Variants in PTPRE observed in about 807,000 individuals in gnomAD.
The protein encoded by PTPRE is protein tyrosine phosphatase receptor type E.
Under a neutral mutation model 102.0 loss-of-function variants are expected in PTPRE, and 51 were observed. The ratio of observed to expected loss-of-function variants is 0.50; its 90% confidence interval spans 0.40 to 0.63. The LOEUF is 0.63. Among genes scored for constraint, PTPRE ranks in the 30% least tolerant of loss-of-function variants. The pLI, the probability that PTPRE is intolerant of heterozygous loss-of-function variation, is 0.00. For synonymous variants in PTPRE, 345 were observed against 348.2 expected, an observed-to-expected ratio of 0.99 and a Z score of 0.10; for missense variants, 752 against 915.1, an observed-to-expected ratio of 0.82 and a Z score of 2.30.
intron 2 of PTPRE, among the ~76,000 whole-genome samples, chr10:128,027,333 CG>C (rs2135722161): frequency 6.6e-6 from 1 of 152,328 alleles, no homozygotes; most frequent in Admixed American, 6.5e-5. Context: ...TCTCCCTCCT[CG>C]GCTGCTTTTG....
intron 2 of PTPRE, among the ~76,000 whole-genome samples, chr10:128,023,027 C>T (rs149610731): frequency 1.9e-4 from 29 of 152,332 alleles, no homozygotes; most frequent in Non-Finnish European, 3.2e-4. Flanking sequence ...GGCCCCCGTC[C>T]GTGGTTCCAC....
At chr10:127,976,374 T>A (rs1424013834) in intron 1 of PTPRE, among the ~76,000 whole-genome samples, 1 of 152,200 alleles carries the variant, frequency 6.6e-6, no homozygotes, top group Non-Finnish European at 1.5e-5. Flanking sequence ...AAGGAGGATT[T>A]GTCTGGCTTT....
intron 15 of PTPRE, 77 bp from the exon 16 acceptor site, chr10:128,072,061 C>G: frequency 8.0e-7 from 1 of 1,242,996 alleles, no homozygotes; most frequent in Non-Finnish European, 1.1e-6. Flanking sequence ...CTATATTTTG[C>G]AAGCTTGTAG....
intron 6 of PTPRE, among the ~76,000 whole-genome samples, chr10:128,051,122 A>G (rs979928048): frequency 1.3e-5 from 2 of 152,214 alleles, no homozygotes; most frequent in South Asian, 4.1e-4. Flanking sequence ...GTTTTCAGCT[A>G]GCAGATCCCC....
chr10:128,049,454 G>A (rs768549751), intron 5 of PTPRE, 76 bp from the exon 6 acceptor site: 437 of 1,537,152 alleles, frequency 2.8e-4, no homozygotes, highest in Middle Eastern at 8.6e-4. Flanking sequence ...CAGGAATGTC[G>A]TTGGTCAGCT....
chr10:127,919,265 C>T (rs1011531214), intron 1 of PTPRE, among the ~76,000 whole-genome samples: 4 of 152,196 alleles, frequency 2.6e-5, no homozygotes, highest in African/African-American at 7.2e-5. Context: ...TTGAATATAA[C>T]TAGAAACATA....
In PTPRE at chr10:127,917,249, G is replaced by A. The variant is rs549334537; in HGVS notation, c.-31+9940G>A. On this transcript the variant is annotated intron_variant, in intron 1 of 20. Transcript: ENST00000254667. Reference sequence around the variant, plus strand: ...TTTGAGGGTGCCAGAGGGGGAAGCCGCTCCAACATGTGGAATCCAAGCAGC... The same window carrying A: ...TTTGAGGGTGCCAGAGGGGGAAGCCACTCCAACATGTGGAATCCAAGCAGC... 8.6e-5 allele frequency among the ~76,000 whole-genome samples: 13 copies of A among 151,364 alleles called. No homozygotes were observed. In the East Asian group the frequency reaches 1.6e-3, roughly 18 times the overall value.
intron 2 of PTPRE, among the ~76,000 whole-genome samples, chr10:127,997,567 C>T (rs1013397018): frequency 6.6e-6 from 1 of 152,162 alleles, no homozygotes; most frequent in Non-Finnish European, 1.5e-5. Context: ...GTTCACAAAT[C>T]GGAGACCTTA....
intron 1 of PTPRE, among the ~76,000 whole-genome samples, chr10:127,959,955 G>A (rs748588660): frequency 5.9e-5 from 9 of 152,198 alleles, no homozygotes; most frequent in African/African-American, 2.2e-4. Flanking sequence ...CTTTAGTGCT[G>A]TAAGAGATGT....
intron 1 of PTPRE, among the ~76,000 whole-genome samples, chr10:127,911,437 C>A (rs1358034631): frequency 2.0e-5 from 3 of 152,172 alleles, no homozygotes; most frequent in Non-Finnish European, 2.9e-5. Flanking sequence ...ACGAAACCCA[C>A]CCCTGAGAAG....
chr10:127,949,479 C>T (rs10765179), intron 1 of PTPRE, among the ~76,000 whole-genome samples: 31,337 of 152,078 alleles, frequency 0.21, 3,522 homozygotes, highest in African/African-American at 0.29. Context: ...TGATAGATCA[C>T]GTGCTTACTG....
At chr10:127,942,623 A>G (rs1303909293) in intron 1 of PTPRE, among the ~76,000 whole-genome samples, 2 of 152,260 alleles carry the variant, frequency 1.3e-5, no homozygotes, top group African/African-American at 4.8e-5. Flanking sequence ...AGTTACACAC[A>G]GACAAATACT....
intron 1 of PTPRE, among the ~76,000 whole-genome samples, chr10:127,932,734 C>G (rs1847536083): frequency 6.6e-6 from 1 of 152,226 alleles, no homozygotes; most frequent in Non-Finnish European, 1.5e-5. Flanking sequence ...TCAGAGAAGC[C>G]TGGGCCTGGC....
At chr10:127,929,608 C>G (rs7086937) in intron 1 of PTPRE, 18,877 of 152,182 alleles carry the variant, frequency 0.12, 1,249 homozygotes, top group African/African-American at 0.17. Context: ...GTAGGCAGGA[C>G]AGTTGGGAGC....
At chr10:127,941,023 G>T (rs900204874) in intron 1 of PTPRE, among the ~76,000 whole-genome samples, 1 of 152,200 alleles carries the variant, frequency 6.6e-6, no homozygotes, top group East Asian at 1.9e-4. Flanking sequence ...AGGGCAGGAG[G>T]CACCAAGCTG....
intron 3 of PTPRE, among the ~76,000 whole-genome samples, chr10:128,045,910 G>A (rs775944725): frequency 6.6e-6 from 1 of 152,200 alleles, no homozygotes; most frequent in Non-Finnish European, 1.5e-5. Context: ...AGGCTGCCAG[G>A]CTACTGACAC....
At chr10:128,025,852 G>A (rs2135715360) in intron 2 of PTPRE, among the ~76,000 whole-genome samples, 1 of 152,308 alleles carries the variant, frequency 6.6e-6, no homozygotes, top group East Asian at 1.9e-4. Flanking sequence ...GTTCCCCAGG[G>A]ACCTCAGATG....
chr10:127,975,217 G>T (rs540531050), intron 1 of PTPRE, among the ~76,000 whole-genome samples: 1 of 152,098 alleles, frequency 6.6e-6, no homozygotes, highest in Non-Finnish European at 1.5e-5. Flanking sequence ...GTGAGTGAGC[G>T]GCCTCTAGAA....
At chr10:128,017,586 A>T (rs1845537934) in intron 2 of PTPRE, among the ~76,000 whole-genome samples, 1 of 151,802 alleles carries the variant, frequency 6.6e-6, no homozygotes, top group Non-Finnish European at 1.5e-5. Context: ...ACATTTGGTA[A>T]TTGGATGACC....
Sources: allele counts gnomAD v4.1 joint callset (sites outside exome capture counted in the v4.1 genomes callset), GRCh38; gene constraint gnomAD v4.1.1; transcripts MANE v1.5; gene names NCBI Gene and HGNC (gene_info 2026-07-23, HGNC 2026-07-21).